The following RIC1 variants were observed in gnomAD, a reference collection of about 807,000 sequenced individuals.
The protein encoded by RIC1 is RIC1 partner of RAB6A GEF complex.
In RIC1, 88 loss-of-function variants were observed where a neutral mutation model predicts 169.0. That is an observed-to-expected ratio of 0.52 (90% CI 0.44 to 0.62). The LOEUF (loss-of-function observed/expected upper bound fraction) is 0.62. Among genes scored for constraint, RIC1 ranks in the 20% least tolerant of loss-of-function variants. RIC1 has a pLI of 0.00. For synonymous variants in RIC1, 790 were observed against 601.5 expected, an observed-to-expected ratio of 1.31 and a Z score of -4.59; for missense variants, 1,877 against 1,725.5, an observed-to-expected ratio of 1.09 and a Z score of -1.56.
chr9:5,680,351 G>T (rs145749829), intron 2 of RIC1, among the ~76,000 whole-genome samples: 1 of 152,102 alleles, frequency 6.6e-6, no homozygotes, highest in African/African-American at 2.4e-5. Context: ...TGATGCTGGC[G>T]TCATCAAATG....
At chr9:5,640,001 G>A (rs923005288) in intron 1 of RIC1, among the ~76,000 whole-genome samples, 1 of 152,064 alleles carries the variant, frequency 6.6e-6, no homozygotes, top group Non-Finnish European at 1.5e-5. Flanking sequence ...CAGATCAGTG[G>A]ATCTTGTTTT....
intron 1 of RIC1, among the ~76,000 whole-genome samples, chr9:5,637,086 T>C (rs1818006666): frequency 6.6e-6 from 1 of 152,102 alleles, no homozygotes; most frequent in Non-Finnish European, 1.5e-5. Flanking sequence ...TGAGACAGGG[T>C]TTCACTTCAG....
chr9:5,691,731 T>C (rs947087152), intron 3 of RIC1, among the ~76,000 whole-genome samples: 3 of 151,990 alleles, frequency 2.0e-5, no homozygotes, highest in Non-Finnish European at 2.9e-5. Flanking sequence ...ATGTTTGTTT[T>C]ATTGCTTAAT....
intron 1 of RIC1, among the ~76,000 whole-genome samples, chr9:5,650,361 A>G (rs530486308): frequency 2.0e-4 from 31 of 151,974 alleles, no homozygotes; most frequent in East Asian, 9.7e-4. Context: ...CTATGCTCCA[A>G]TCTCTATGCT....
At chr9:5,704,801 TA>T (rs1822464052) in intron 3 of RIC1, among the ~76,000 whole-genome samples, 1 of 152,204 alleles carries the variant, frequency 6.6e-6, no homozygotes. Flanking sequence ...AGAATAGTTT[TA>T]GCTCTTATAT....
At chr9:5,701,884 C>T (rs765661605) in intron 3 of RIC1, among the ~76,000 whole-genome samples, 1 of 152,102 alleles carries the variant, frequency 6.6e-6, no homozygotes, top group African/African-American at 2.4e-5. Context: ...ACATTTAATA[C>T]ACTCAAAATG....
At chr9:5,658,160 A>G (rs1455101170) in intron 2 of RIC1, among the ~76,000 whole-genome samples, 1 of 152,156 alleles carries the variant, frequency 6.6e-6, no homozygotes, top group Non-Finnish European at 1.5e-5. Flanking sequence ...CAAAAGAACC[A>G]AAGAAGACAA....
intron 9 of RIC1, 140 bp downstream of exon 9, chr9:5,743,153 G>A (rs909144092): frequency 1.8e-5 from 12 of 684,206 alleles, no homozygotes; most frequent in African/African-American, 5.5e-5. Context: ...TAATCTGTTC[G>A]AATATACTGA....
At chr9:5,695,466 C>G (rs962320941) in intron 3 of RIC1, among the ~76,000 whole-genome samples, 1 of 151,946 alleles carries the variant, frequency 6.6e-6, no homozygotes, top group African/African-American at 2.4e-5. Context: ...TATATCCAGT[C>G]TAGTATATTC....
Position 5,642,604 on chromosome 9 carries a change from G to A in RIC1, c.144+13151G>A, listed in dbSNP as rs748158623. Among the ~76,000 whole-genome samples the A allele has an allele frequency of 9.7e-5, 14 of 144,866 alleles. 2 individuals carry two copies. Among genetic ancestry groups the A allele is most frequent in the East Asian group, 3.9e-4 (2 of 5,186 alleles). On this transcript the variant is annotated intron_variant, in intron 1 of 25. Coordinates refer to ENST00000414202, the MANE Select transcript of RIC1 (RefSeq NM_020829.4). ...TTGTGGCTAAGCAGGCACTCAAACCGTAACACAAAATTCTTCCCACTTTTT... is the reference window on the plus strand; with the variant it reads ...TTGTGGCTAAGCAGGCACTCAAACCATAACACAAAATTCTTCCCACTTTTT...
chr9:5,750,788 C>G (rs969968627), intron 12 of RIC1, among the ~76,000 whole-genome samples: 1 of 151,628 alleles, frequency 6.6e-6, no homozygotes, highest in Non-Finnish European at 1.5e-5. Context: ...GATCAGCTGC[C>G]TCTTCCTTAC....
At chr9:5,686,348 T>C (rs1239238018) in intron 2 of RIC1, among the ~76,000 whole-genome samples, 8 of 152,070 alleles carry the variant, frequency 5.3e-5, no homozygotes, top group Non-Finnish European at 8.8e-5. Context: ...TGTGGCACTA[T>C]TCACAATAGC....
Position 5,642,012 on chromosome 9 carries a change from G to C in RIC1, c.144+12559G>C, listed in dbSNP as rs186425457. Among the ~76,000 whole-genome samples the C allele has an allele frequency of 1.2e-4, 18 of 144,374 alleles. 3 individuals are homozygous for C. The highest frequency in any genetic ancestry group is 5.1e-4 in the African/African-American group (18 of 35,182). 94.7% of individuals were successfully genotyped at this position (144,374 alleles called of 152,430 possible). A position where few individuals can be genotyped will look rare whatever the true frequency, so the allele number is the denominator to read the frequency against. On this transcript the variant is annotated intron_variant, in intron 1 of 25. Coordinates refer to ENST00000414202, the MANE Select transcript of RIC1 (RefSeq NM_020829.4). Reference sequence around the variant, plus strand: ...TGTTCATTGGTGTGTAGGCATCAAAGAGGTAGGTATTTATTGTAGTCTTTG... The same window carrying C: ...TGTTCATTGGTGTGTAGGCATCAAACAGGTAGGTATTTATTGTAGTCTTTG...
intron 7 of RIC1, among the ~76,000 whole-genome samples, chr9:5,737,326 A>G (rs1432653977): frequency 6.6e-6 from 1 of 152,176 alleles, no homozygotes; most frequent in African/African-American, 2.4e-5. Context: ...TATATATACC[A>G]TATACACAAA....
At chr9:5,660,941 A>C (rs1300776288) in intron 2 of RIC1, among the ~76,000 whole-genome samples, 1 of 152,048 alleles carries the variant, frequency 6.6e-6, no homozygotes, top group African/African-American at 2.4e-5. Context: ...CTGTGTCCCA[A>C]ATGGTATTGT....
chr9:5,695,263 C>G (rs1475512037), intron 3 of RIC1, among the ~76,000 whole-genome samples: 2 of 152,058 alleles, frequency 1.3e-5, no homozygotes, highest in Non-Finnish European at 2.9e-5. Context: ...ATTTTAGGTC[C>G]TATAATAATT....
intron 7 of RIC1, among the ~76,000 whole-genome samples, chr9:5,735,242 G>A (rs1038526906): frequency 2.6e-5 from 4 of 151,598 alleles, no homozygotes; most frequent in Non-Finnish European, 5.9e-5. Flanking sequence ...GACACCTGTC[G>A]TGACTAACCT....
intron 3 of RIC1, among the ~76,000 whole-genome samples, chr9:5,708,867 G>C (rs537223249): frequency 6.6e-6 from 1 of 151,770 alleles, no homozygotes; most frequent in Non-Finnish European, 1.5e-5. Context: ...ACAGACAGGC[G>C]TTGGTATTTA....
chr9:5,724,771 T>G (rs948289379), intron 6 of RIC1, among the ~76,000 whole-genome samples: 1 of 152,216 alleles, frequency 6.6e-6, no homozygotes, highest in African/African-American at 2.4e-5. Context: ...CAGGAAGGAC[T>G]GTTGAATTTT....
Sources: gnomAD v4.1 joint callset for allele counts (sites outside exome capture counted in the v4.1 genomes callset) on GRCh38, gnomAD v4.1.1 for gene constraint, MANE v1.5 for transcripts, NCBI Gene and HGNC (gene_info 2026-07-23, HGNC 2026-07-21) for gene names.